The following MIS18A variants were observed in gnomAD, a reference collection of about 807,000 sequenced individuals.
MIS18A encodes MIS18 kinetochore protein A, also known as protein Mis18-alpha.
In MIS18A, 14 loss-of-function variants were observed where a neutral mutation model predicts 25.0. That is an observed-to-expected ratio of 0.56 (90% CI 0.37 to 0.88). MIS18A has a LOEUF of 0.88. Ranked by LOEUF, MIS18A falls within the 40% of genes least tolerant of loss-of-function variation. MIS18A has a pLI of 0.00. For missense variants in MIS18A, 292 were observed against 290.8 expected, an observed-to-expected ratio of 1.00 and a Z score of -0.03; for synonymous variants, 134 against 118.6, an observed-to-expected ratio of 1.13 and a Z score of -0.84.
the MIS18A span, among the ~76,000 whole-genome samples, chr21:32,256,500 G>C: frequency 6.6e-6 from 1 of 152,166 alleles, no homozygotes; most frequent in Non-Finnish European, 1.5e-5. Context: ...ACGGTGACAC[G>C]TGTGCTGGTT....
chr21:32,188,384 T>G, the MIS18A span, among the ~76,000 whole-genome samples: 3 of 152,216 alleles, frequency 2.0e-5, no homozygotes, highest in Non-Finnish European at 4.4e-5. Context: ...GAAGGCCAGA[T>G]GACACCTGCA....
chr21:32,165,432 T>TAA, the MIS18A span, among the ~76,000 whole-genome samples: 40 of 141,532 alleles, frequency 2.8e-4, no homozygotes, highest in Middle Eastern at 3.6e-3. Flanking sequence ...TAACATGATC[T>TAA]AAAAAAAAAA....
At chr21:32,159,792 A>G in the MIS18A span, among the ~76,000 whole-genome samples, 1 of 152,202 alleles carries the variant, frequency 6.6e-6, no homozygotes, top group Non-Finnish European at 1.5e-5. Context: ...CTGGTTGACA[A>G]TTGGTTGAGG....
chr21:32,245,694 C>G, the MIS18A span, among the ~76,000 whole-genome samples: 1 of 152,274 alleles, frequency 6.6e-6, no homozygotes, highest in Middle Eastern at 3.4e-3. Context: ...CAGTAAAGAC[C>G]TAACACCTGA....
At chr21:32,237,608 C>G in the MIS18A span, among the ~76,000 whole-genome samples, 1 of 152,128 alleles carries the variant, frequency 6.6e-6, no homozygotes, top group Non-Finnish European at 1.5e-5. Context: ...CTGAAATGCA[C>G]ATGGGTAACT....
At chr21:32,180,437 C>T in the MIS18A span, among the ~76,000 whole-genome samples, 4 of 152,316 alleles carry the variant, frequency 2.6e-5, no homozygotes, top group East Asian at 7.7e-4. Flanking sequence ...CATCCTTTTC[C>T]CTTCCCCACC....
chr21:32,272,322 C>G (rs1435095297), intron 2 of MIS18A, among the ~76,000 whole-genome samples: 1 of 152,220 alleles, frequency 6.6e-6, no homozygotes, highest in Non-Finnish European at 1.5e-5. Flanking sequence ...TGACCATCAG[C>G]AGAAAGGCTC....
chr21:32,161,667 T>A, the MIS18A span, among the ~76,000 whole-genome samples: 9 of 149,500 alleles, frequency 6.0e-5, no homozygotes, highest in Non-Finnish European at 8.9e-5. Context: ...AAATTTAGTA[T>A]TTTTAGTAGA....
chr21:32,219,697 A>C, the MIS18A span, among the ~76,000 whole-genome samples: 358 of 152,268 alleles, frequency 2.4e-3, 3 homozygotes, highest in African/African-American at 8.2e-3. Flanking sequence ...TCCCACCCCC[A>C]CAGAGCCCAA....
At chr21:32,200,882 T>A in the MIS18A span, among the ~76,000 whole-genome samples, 690 of 152,272 alleles carry the variant, frequency 4.5e-3, 40 homozygotes, top group East Asian at 0.11. Flanking sequence ...CTCCTAATTA[T>A]CTTTTGATAA....
downstream of MIS18A, among the ~76,000 whole-genome samples, chr21:32,267,826 C>A (rs950417376): frequency 1.3e-5 from 2 of 152,224 alleles, no homozygotes; most frequent in Non-Finnish European, 2.9e-5. Context: ...TTTGCTTCCA[C>A]AGCACCATAG....
chr21:32,278,932 G>T lies in MIS18A; in HGVS notation c.83C>A (p.Ser28Tyr). 6.2e-6 allele frequency: 10 copies of T among 1,613,508 alleles called. No homozygotes were observed. The highest frequency in any genetic ancestry group is 7.6e-6 in the Non-Finnish European group (9 of 1,180,012). The change falls in exon 1 of 5, where the codon TCC becomes TAC. Residue 28 changes from serine (S) to tyrosine (Y), a missense_variant. By Grantham distance (144) the Ser-to-Tyr change is moderately radical (BLOSUM62 -2). Coordinates refer to ENST00000290130, the MANE Select transcript of MIS18A (RefSeq NM_018944.3). ...ECGDKGKCSDSSLLGKRLSED... is the reference protein window; with the variant it reads ...ECGDKGKCSDYSLLGKRLSED... The stretch of plus-strand genomic sequence containing the variant: ...GGAGAGTCTCTTGCCCAACAGCGAG[G>T]AGTCGCTGCATTTGCCCTTGTCGCC...
the MIS18A span, among the ~76,000 whole-genome samples, chr21:32,248,440 G>A: frequency 6.6e-6 from 1 of 152,160 alleles, no homozygotes; most frequent in Non-Finnish European, 1.5e-5. Flanking sequence ...TGAGCGCTCA[G>A]CTAGGAGTCA....
At chr21:32,198,047 G>A in the MIS18A span, among the ~76,000 whole-genome samples, 2 of 152,158 alleles carry the variant, frequency 1.3e-5, no homozygotes, top group African/African-American at 2.4e-5. Context: ...ATATAAAAAC[G>A]GAGCCTAATT....
chr21:32,269,988 C>T (rs1405084906), intron 3 of MIS18A, among the ~76,000 whole-genome samples, 185 bp from the exon 4 acceptor site: 9 of 151,992 alleles, frequency 5.9e-5, no homozygotes, highest in Non-Finnish European at 1.2e-4. Context: ...GCAGGAGGAT[C>T]GCTGGAGCCC....
Position 32,278,731 on chromosome 21 carries a change from G to T in MIS18A, c.284C>A (p.Ser95Ter). 6.3e-7 allele frequency: 1 copy of T among 1,581,356 alleles called. No homozygotes were observed. The highest frequency in any genetic ancestry group is 8.5e-7 in the Non-Finnish European group (1 of 1,170,382). ...CTCCTGGCTGGCCACCCAGCTCAGC[G>T]AGTCGCCCAGCGGCCGCCGGCAGCC... Reference protein sequence around the residue: ...CSGCRRPLGDSLSWVASQEDT... With the variant: ...CSGCRRPLGD Residue 95 changes from serine (S) to a stop codon, truncating the protein, a stop_gained, in exon 1 of 5, where the codon TCG becomes TAG. Transcript: ENST00000290130. LOFTEE classifies it high-confidence loss of function.
At chr21:32,209,421 A>G in the MIS18A span, among the ~76,000 whole-genome samples, 5 of 152,320 alleles carry the variant, frequency 3.3e-5, no homozygotes, top group Admixed American at 2.6e-4. Context: ...AAGATTCTAG[A>G]GTTAGCAAAG....
chr21:32,189,779 CCTTT>C, the MIS18A span, among the ~76,000 whole-genome samples: 1 of 152,216 alleles, frequency 6.6e-6, no homozygotes, highest in African/African-American at 2.4e-5. Flanking sequence ...GTGGGAGACA[CCTTT>C]CTTTTGCTTC....
chr21:32,189,235 C>A, the MIS18A span, among the ~76,000 whole-genome samples: 1 of 152,160 alleles, frequency 6.6e-6, no homozygotes, highest in African/African-American at 2.4e-5. Context: ...TGCCTTGTAT[C>A]TGGGAACTCC....
Sources: gnomAD v4.1 joint callset for allele counts (sites outside exome capture counted in the v4.1 genomes callset) on GRCh38, gnomAD v4.1.1 for gene constraint, MANE v1.5 for transcripts, NCBI Gene and HGNC (gene_info 2026-07-23, HGNC 2026-07-21) for gene names.